The following C16orf74 variants were observed in gnomAD, a reference collection of about 807,000 sequenced individuals.
C16orf74 encodes the protein uncharacterized protein C16orf74.
In C16orf74, 10 loss-of-function variants were observed where a neutral mutation model predicts 6.5. The observed-to-expected ratio is 1.54, with a 90% CI of 0.95 to 2.61. The LOEUF is 2.61. Ranked by LOEUF, C16orf74 falls within the 30% of genes most tolerant of loss-of-function variation. The pLI is 0.00. For synonymous variants in C16orf74, 60 were observed against 42.5 expected (o/e 1.41, Z -1.60); for missense variants, 141 against 105.9 (o/e 1.33, Z -1.45).
intron 2 of C16orf74, chr16:85,710,962 T>C (rs965479151): frequency 6.6e-6 from 1 of 152,274 alleles, no homozygotes; most frequent in African/African-American, 2.4e-5. Context: ...ATTTCATTCA[T>C]CTGTGTTTCC....
At chr16:85,729,242 G>A (rs2054164242) in intron 2 of C16orf74, among the ~76,000 whole-genome samples, 1 of 152,218 alleles carries the variant, frequency 6.6e-6, no homozygotes, top group African/African-American at 2.4e-5. Context: ...CAGTGATGAG[G>A]GTGCCATGCC....
intron 2 of C16orf74, among the ~76,000 whole-genome samples, chr16:85,734,739 A>G (rs960828144): frequency 2.6e-5 from 4 of 152,110 alleles, no homozygotes; most frequent in Admixed American, 2.0e-4. Flanking sequence ...AACACCCACA[A>G]CACCCTTCAG....
intron 1 of C16orf74, chr16:85,743,749 T>G (rs2054336934): frequency 1.3e-5 from 2 of 151,800 alleles, no homozygotes; most frequent in Admixed American, 1.3e-4. Flanking sequence ...AGAAACCCTG[T>G]CTCTACTAAA....
At position 85,723,708 on chromosome 16, in the gene C16orf74, C is replaced by T. The variant is rs137996006; in HGVS notation, c.28+11482G>A. 2.6e-3 allele frequency among the ~76,000 whole-genome samples: 396 copies of T among 152,302 alleles called. 3 individuals are homozygous for T. Among genetic ancestry groups the T allele is most frequent in the African/African-American group, 9.0e-3 (373 of 41,570 alleles). ...GAAGTCCTGCTTGGGCAAGGCAGGCCGGATTTGGGTTCGAGGGTGGTGGGG... is the reference window on the plus strand; with the variant it reads ...GAAGTCCTGCTTGGGCAAGGCAGGCTGGATTTGGGTTCGAGGGTGGTGGGG... On this transcript the variant is annotated intron_variant, in intron 2 of 3. Transcript: ENST00000284245.
chr16:85,728,707 C>A (rs1400759138), intron 2 of C16orf74, among the ~76,000 whole-genome samples: 1 of 152,206 alleles, frequency 6.6e-6, no homozygotes, highest in Non-Finnish European at 1.5e-5. Context: ...ATCTTTAGTG[C>A]CTATCTCAGA....
intron 2 of C16orf74, among the ~76,000 whole-genome samples, chr16:85,720,197 G>C (rs925390764): frequency 1.3e-5 from 2 of 152,104 alleles, no homozygotes; most frequent in East Asian, 1.9e-4. Flanking sequence ...TTTTAATTAA[G>C]GAAAAAGCCC....
intron 2 of C16orf74, among the ~76,000 whole-genome samples, chr16:85,734,398 C>T (rs183146850): frequency 2.6e-5 from 4 of 152,290 alleles, no homozygotes; most frequent in Admixed American, 1.3e-4. Flanking sequence ...GCTCAGCTCC[C>T]AACCACCTCT....
At chr16:85,715,713 G>T (rs573760313) in intron 2 of C16orf74, among the ~76,000 whole-genome samples, 1 of 152,332 alleles carries the variant, frequency 6.6e-6, no homozygotes, top group African/African-American at 2.4e-5. Flanking sequence ...TCTCAGGGCT[G>T]TGGTTGCCAA....
At chr16:85,710,782 C>A (rs2053961963) in intron 2 of C16orf74, 1 of 154,712 alleles carries the variant, frequency 6.5e-6, no homozygotes, top group Non-Finnish European at 1.4e-5. Context: ...TAACAAGCTC[C>A]TGCTTATCCT....
At chr16:85,743,593 G>A (rs1354845098) in intron 1 of C16orf74, 1 of 152,152 alleles carries the variant, frequency 6.6e-6, no homozygotes, top group South Asian at 2.1e-4. Flanking sequence ...GTTTGAGTTT[G>A]TTACAAACAC....
At chr16:85,747,621 C>T (rs2152067439) in intron 1 of C16orf74, among the ~76,000 whole-genome samples, 1 of 152,248 alleles carries the variant, frequency 6.6e-6, no homozygotes, top group East Asian at 1.9e-4. Flanking sequence ...GGCATATCAT[C>T]TTGCCCACAA....
intron 1 of C16orf74, among the ~76,000 whole-genome samples, chr16:85,748,038 A>C: frequency 7.8e-6 from 1 of 127,562 alleles, no homozygotes; most frequent in Non-Finnish European, 1.9e-5. Context: ...GTGAGCTGGT[A>C]TTGCACCACT....
At chr16:85,725,133 C>T (rs539527643) in intron 2 of C16orf74, among the ~76,000 whole-genome samples, 8 of 152,102 alleles carry the variant, frequency 5.3e-5, no homozygotes, top group South Asian at 2.1e-4. Flanking sequence ...GGGCAGGGGG[C>T]GGGGCGAGAT....
At chr16:85,737,151 G>T (rs148289932) in intron 1 of C16orf74, among the ~76,000 whole-genome samples, 1 of 152,186 alleles carries the variant, frequency 6.6e-6, no homozygotes, top group Non-Finnish European at 1.5e-5. Flanking sequence ...GGAGAAGTCC[G>T]AACAATGTCA....
intron 2 of C16orf74, among the ~76,000 whole-genome samples, chr16:85,718,820 C>T (rs1326156178): frequency 6.6e-6 from 1 of 152,234 alleles, no homozygotes; most frequent in East Asian, 1.9e-4. Flanking sequence ...GTGTAAGTGT[C>T]CTCAGGGCAC....
At chr16:85,714,843 G>T (rs1432116052) in intron 2 of C16orf74, among the ~76,000 whole-genome samples, 1 of 150,986 alleles carries the variant, frequency 6.6e-6, no homozygotes, top group Non-Finnish European at 1.5e-5. Flanking sequence ...ATACAGTGGG[G>T]TTTGAACCTT....
intron 2 of C16orf74, among the ~76,000 whole-genome samples, chr16:85,718,850 A>T (rs557132501): frequency 6.6e-6 from 1 of 152,332 alleles, no homozygotes; most frequent in Admixed American, 6.5e-5. Flanking sequence ...GATTCCTTCA[A>T]CATTCAGCAC....
rs2054058589 is a variant in C16orf74 at position 85,719,562 on chromosome 16, C to G, written c.29-9255G>C. The stretch of plus-strand genomic sequence containing the variant: ...AGTCAGGGCACAGCCTGTTTGCGCA[C>G]AGCCTGTGATCTGGGGGCTGGAAGC... On this transcript the variant is annotated intron_variant, in intron 2 of 3. Transcript: ENST00000284245. Among the ~76,000 whole-genome samples the G allele has an allele frequency of 1.3e-5, 2 of 152,128 alleles. 1 individual carries two copies. The highest frequency in any genetic ancestry group is 4.1e-4 in the South Asian group (2 of 4,828).
intron 1 of C16orf74, among the ~76,000 whole-genome samples, chr16:85,749,199 C>A (rs2054408116): frequency 6.6e-6 from 1 of 152,144 alleles, no homozygotes; most frequent in Non-Finnish European, 1.5e-5. Context: ...GGGTTCCAGG[C>A]CTGGCCTTGC....
Sources: allele counts gnomAD v4.1 joint callset (sites outside exome capture counted in the v4.1 genomes callset), GRCh38; gene constraint gnomAD v4.1.1; transcripts MANE v1.5; gene names NCBI Gene and HGNC (gene_info 2026-07-23, HGNC 2026-07-21).